Variants in COL6A5 observed in about 807,000 individuals in gnomAD.
COL6A5 encodes the protein collagen alpha-5(VI) chain.
Under a neutral mutation model 65.6 loss-of-function variants are expected in COL6A5, and 48 were observed. The ratio of observed to expected loss-of-function variants is 0.73; its 90% CI spans 0.58 to 0.93. COL6A5 has a LOEUF of 0.93. Among genes scored for constraint, COL6A5 ranks in the 40% least tolerant of loss-of-function variants. COL6A5 has a pLI of 0.00. For synonymous variants in COL6A5, 291 were observed against 322.8 expected, an observed-to-expected ratio of 0.90 and a Z score of 1.05; for missense variants, 914 against 928.3, an observed-to-expected ratio of 0.98 and a Z score of 0.20.
chr3:130,375,422 C>T (rs1171603771), intron 2 of COL6A5, among the ~76,000 whole-genome samples: 7 of 152,190 alleles, frequency 4.6e-5, no homozygotes, highest in East Asian at 1.9e-4. Context: ...TAGACCTTAC[C>T]GGATGACATG....
At chr3:130,360,414 G>A (rs781102334) in intron 1 of COL6A5, among the ~76,000 whole-genome samples, 9 of 152,134 alleles carry the variant, frequency 5.9e-5, no homozygotes, top group East Asian at 1.9e-4. Context: ...AGCTTAGGCC[G>A]GTTTTGATCA....
At chr3:130,363,918 CCTGT>C (rs1176817705) in intron 1 of COL6A5, among the ~76,000 whole-genome samples, 1 of 152,172 alleles carries the variant, frequency 6.6e-6, no homozygotes, top group African/African-American at 2.4e-5. Flanking sequence ...TCTGTATCCT[CCTGT>C]CTGTCTCTTC....
At chr3:130,371,970 G>T (rs1577438279) in intron 1 of COL6A5, among the ~76,000 whole-genome samples, 5 of 152,038 alleles carry the variant, frequency 3.3e-5, no homozygotes, top group Admixed American at 6.5e-5. Flanking sequence ...AGTATATAAA[G>T]AATTTTTATA....
Position 130,385,326 on chromosome 3 carries a change from T to A in COL6A5, c.1823T>A (p.Ile608Lys), listed in dbSNP as rs1363254903. 7.7e-6 allele frequency: 12 copies of A among 1,550,166 alleles called. No individual in the cohort carries two copies. The Admixed American group carries it at 1.2e-4, about 15-fold the overall frequency. The change falls in exon 5 of 42, where the codon ATA (isoleucine) becomes AAA (lysine). Residue 608 changes from isoleucine (I) to lysine (K), a missense_variant and NMD_transcript_variant. By Grantham distance (102) the Ile-to-Lys change is moderately radical. Coordinates refer to the COL6A5 transcript ENST00000312481. ...CAGAACTTTGATGCTTTGAAAAGCA[T>A]AAAAAATGAAGTCGTTCGTGAAATC...
chr3:130,440,550 C>T, exon 3 of COL6A5: 3 of 1,613,530 alleles, frequency 1.9e-6, no homozygotes, highest in Non-Finnish European at 2.5e-6. Flanking sequence ...AATCTTTTTC[C>T]AGAAACACCC....
chr3:130,436,659 TGATC>T (rs1273732063), intron 1 of COL6A5, among the ~76,000 whole-genome samples: 4 of 142,608 alleles, frequency 2.8e-5, no homozygotes, highest in South Asian at 2.5e-4. Flanking sequence ...ACAACATTGT[TGATC>T]TTGCCTTTCT....
At chr3:130,477,243 A>G in intron 7 of COL6A5, 3 of 587,748 alleles carry the variant, frequency 5.1e-6, no homozygotes, top group Non-Finnish European at 9.0e-6. Context: ...AGTACACACT[A>G]TGCGTGGAAT....
chr3:130,405,355 T>G lies in COL6A5; in HGVS notation c.4282-233T>G, dbSNP rs969915873. Among the ~76,000 whole-genome samples, 2 of 152,146 alleles carry G rather than the reference T, an allele frequency of 1.3e-5. 1 individual carries two copies. Among genetic ancestry groups the G allele is most frequent in the East Asian group, 3.9e-4 (2 of 5,190 alleles). The stretch of plus-strand genomic sequence containing the variant: ...GCTGAGCTCTTCTTGCACCTTTTTG[T>G]GATCTTGGGTCTATAAAAAGCCCTG... On this transcript the variant is annotated intron_variant and NMD_transcript_variant, in intron 13 of 41. Coordinates refer to the COL6A5 transcript ENST00000312481.
intron 4 of COL6A5, 21 bp from the exon 37 acceptor site, chr3:130,455,434 T>G: frequency 6.6e-7 from 1 of 1,525,462 alleles, no homozygotes; most frequent in African/African-American, 1.4e-5. Flanking sequence ...TAGACTCACC[T>G]AAAGTTTTTT....
At chr3:130,364,274 T>C (rs567414112) in intron 1 of COL6A5, among the ~76,000 whole-genome samples, 6 of 152,330 alleles carry the variant, frequency 3.9e-5, no homozygotes, top group African/African-American at 1.2e-4. Context: ...TAAATGCATA[T>C]GACATTTTAA....
intron 7 of COL6A5, 102 bp downstream of exon 7, chr3:130,391,856 T>A (rs1936415395): frequency 1.2e-6 from 1 of 867,122 alleles, no homozygotes; most frequent in Admixed American, 2.9e-5. Flanking sequence ...TGTTATGGAC[T>A]GAACATTTCT....
chr3:130,358,016 C>T (rs1577423027), intron 1 of COL6A5, among the ~76,000 whole-genome samples: 1 of 151,796 alleles, frequency 6.6e-6, no homozygotes, highest in Non-Finnish European at 1.5e-5. Context: ...GGTGAAACCC[C>T]GTCTCTACTA....
chr3:130,454,102 C>T (rs1449416762), intron 4 of COL6A5, among the ~76,000 whole-genome samples: 1 of 152,142 alleles, frequency 6.6e-6, no homozygotes, highest in African/African-American at 2.4e-5. Context: ...AAATATTATA[C>T]ACTTATAGTT....
intron 7 of COL6A5, chr3:130,476,902 GGTTA>G: frequency 1.4e-6 from 1 of 693,638 alleles, no homozygotes; most frequent in Non-Finnish European, 2.6e-6. Context: ...CAGCAGCTTG[GGTTA>G]GTTATATTTG....
chr3:130,410,212 C>T, intron 19 of COL6A5, 138 bp downstream of exon 19: 1 of 699,710 alleles, frequency 1.4e-6, no homozygotes. Flanking sequence ...TTTGATGATG[C>T]ATATTTGTAG....
rs1376361433 is a variant in COL6A5, at chr3:130,406,328, CTT to C, written c.4479+10_4479+11del. The stretch of plus-strand genomic sequence containing the variant: ...AGGTGATCCAGGATCTCAGGTAACA[CTT>C]TTCTTTTCAATACTTCAAAGAAGGA... On this transcript the variant is annotated splice_region_variant and intron_variant and NMD_transcript_variant, in intron 17 of 41. Coordinates refer to the COL6A5 transcript ENST00000312481. 12 of 1,544,596 alleles carry C rather than the reference CTT, an allele frequency of 7.8e-6. No individual in the cohort carries two copies. Among genetic ancestry groups the C allele is most frequent in the Non-Finnish European group, 1.1e-5 (12 of 1,140,874 alleles).
At position 130,451,716 on chromosome 3, in the gene COL6A5, G is replaced by A. The variant is rs576125958; in HGVS notation, c.1333-3739G>A. Among the ~76,000 whole-genome samples, 9 of 152,182 alleles carry A rather than the reference G, an allele frequency of 5.9e-5. No individual in the cohort carries two copies. In the East Asian group the frequency reaches 1.2e-3, roughly 20 times the overall value. On this transcript the variant is annotated intron_variant, in intron 4 of 7. Transcript: ENST00000512836. ...GGGTGACCGTAAGTCAAAGTCATCC[G>A]AGTTAGACATTGAATTCTCTACATT...
intron 8 of COL6A5, among the ~76,000 whole-genome samples, chr3:130,396,912 G>T (rs1936620911): frequency 6.6e-6 from 1 of 152,102 alleles, no homozygotes; most frequent in South Asian, 2.1e-4. Flanking sequence ...GCCCAGGCTG[G>T]AGTGCAGTGG....
At chr3:130,472,785 G>A (rs993820435) in intron 7 of COL6A5, among the ~76,000 whole-genome samples, 1 of 141,068 alleles carries the variant, frequency 7.1e-6, no homozygotes. Flanking sequence ...ATCCCATATA[G>A]GGGCATATAT....
Sources: allele counts gnomAD v4.1 joint callset (sites outside exome capture counted in the v4.1 genomes callset), GRCh38; gene constraint gnomAD v4.1.1; transcripts MANE v1.5; gene names NCBI Gene and HGNC (gene_info 2026-07-23, HGNC 2026-07-21).